SH3KBP1: variants seen among roughly 807,000 people sequenced by gnomAD.
SH3KBP1 encodes the protein SH3 domain containing kinase binding protein 1, also known as SH3 domain-containing kinase-binding protein 1.
SH3KBP1 carries 8 observed loss-of-function variants against 50.1 expected under a neutral mutation model. That is an observed-to-expected ratio of 0.16 (90% CI 0.09 to 0.29). The LOEUF is 0.29. Ranked by LOEUF, SH3KBP1 falls within the 10% of genes least tolerant of loss-of-function variation. SH3KBP1 has a pLI of 1.00. For synonymous variants in SH3KBP1, 227 were observed against 218.6 expected (o/e 1.04, Z -0.34); for missense variants, 377 against 535.2 (o/e 0.70, Z 2.92).
intron 2 of SH3KBP1, among the ~76,000 whole-genome samples, chrX:19,819,380 C>A (rs924741584): frequency 1.8e-5 from 2 of 111,436 alleles, no homozygotes; most frequent in African/African-American, 6.5e-5. Flanking sequence ...GTCACCCAGG[C>A]TGGAGTGCAG....
intron 6 of SH3KBP1, among the ~76,000 whole-genome samples, chrX:19,658,491 G>A (rs2062353228): frequency 9.0e-6 from 1 of 111,490 alleles, no homozygotes; most frequent in African/African-American, 3.3e-5. Flanking sequence ...CCATTTTCTG[G>A]GCTCCTCTAT....
At chrX:19,552,701 AC>A (rs1176053157) in intron 13 of SH3KBP1, among the ~76,000 whole-genome samples, 1 of 110,416 alleles carries the variant, frequency 9.1e-6, no homozygotes, top group Non-Finnish European at 1.9e-5. Flanking sequence ...CGGAGGAATC[AC>A]CTGGACAATT....
In SH3KBP1 at chrX:19,799,813, C is replaced by A; in HGVS notation, c.162+36312G>T. On this transcript the variant is annotated intron_variant, in intron 2 of 17. Coordinates refer to ENST00000397821, the MANE Select transcript of SH3KBP1 (RefSeq NM_031892.3). ...CAAAATTATTCTAAGCATCCTGTCC[C>A]GTACCCAACCCGCCTGCCCCTCCCA... 6 of 1,101,881 alleles carry A rather than the reference C, an allele frequency of 5.4e-6. No individual in the cohort carries two copies. The Admixed American group carries it at 1.7e-4, about 32-fold the overall frequency. The allele number at this position is 1,101,881 out of a possible 1,213,427, so 90.8% of individuals were successfully genotyped here. A position where few individuals can be genotyped will look rare whatever the true frequency, so the allele number is the denominator to read the frequency against.
At chrX:19,878,600 C>G (rs1031602936) in intron 1 of SH3KBP1, among the ~76,000 whole-genome samples, 20 of 109,679 alleles carry the variant, frequency 1.8e-4, no homozygotes, top group African/African-American at 6.4e-4. Context: ...CACGCTTTCC[C>G]TTTTCCTATC....
At chrX:19,836,875 G>A (rs1475587214) in intron 1 of SH3KBP1, among the ~76,000 whole-genome samples, 2 of 111,531 alleles carry the variant, frequency 1.8e-5, no homozygotes, top group Non-Finnish European at 3.8e-5. Flanking sequence ...TAGTGAGTGA[G>A]TTCTCATGAG....
intron 2 of SH3KBP1, among the ~76,000 whole-genome samples, chrX:19,831,182 C>T (rs1043898169): frequency 6.3e-5 from 7 of 111,755 alleles, no homozygotes; most frequent in East Asian, 2.8e-4. Context: ...TCTGGGAGGC[C>T]GAGGCGGGAG....
intron 3 of SH3KBP1, among the ~76,000 whole-genome samples, chrX:19,743,376 TC>T (rs1296024187): frequency 1.8e-5 from 2 of 109,059 alleles, no homozygotes; most frequent in Non-Finnish European, 3.8e-5. Flanking sequence ...GCCACTGCAC[TC>T]CAGCCTGGAT....
intron 7 of SH3KBP1, among the ~76,000 whole-genome samples, chrX:19,633,321 T>C (rs1602737588): frequency 1.8e-5 from 2 of 112,027 alleles, no homozygotes; most frequent in East Asian, 5.6e-4. Flanking sequence ...TTGGGTATTC[T>C]GGGCCTCTGA....
intron 4 of SH3KBP1, among the ~76,000 whole-genome samples, chrX:19,697,797 G>T (rs767159161): frequency 2.4e-4 from 27 of 111,900 alleles, no homozygotes; most frequent in Non-Finnish European, 4.7e-4. Flanking sequence ...TATGAGAAAG[G>T]GGGTTGCTGA....
intron 5 of SH3KBP1, among the ~76,000 whole-genome samples, chrX:19,692,582 C>T (rs1420641056): frequency 9.4e-6 from 1 of 106,611 alleles, no homozygotes; most frequent in Non-Finnish European, 1.9e-5. Context: ...TATACACACA[C>T]ATATATATAC....
chrX:19,598,029 T>C (rs2066959871), intron 9 of SH3KBP1, among the ~76,000 whole-genome samples: 1 of 112,326 alleles, frequency 8.9e-6, no homozygotes, highest in Admixed American at 9.4e-5. Flanking sequence ...ATAGAGATGG[T>C]GTCTTTCCTT....
chrX:19,571,619 G>C (rs1420665189), intron 12 of SH3KBP1, among the ~76,000 whole-genome samples: 1 of 111,759 alleles, frequency 8.9e-6, no homozygotes, highest in Non-Finnish European at 1.9e-5. Context: ...ACATTCCTGG[G>C]GACCCTTAAA....
Position 19,631,847 on chromosome X carries a change from A to C in SH3KBP1, c.897+17T>G. 9.2e-7 allele frequency: 1 copy of C among 1,090,652 alleles called. No homozygotes were observed. Among genetic ancestry groups the C allele is most frequent in the African/African-American group, 1.8e-5 (1 of 55,550 alleles). 89.9% of individuals were successfully genotyped at this position (1,090,652 alleles called of 1,213,427 possible). On this transcript the variant is annotated intron_variant, in intron 8 of 17. Coordinates refer to ENST00000397821, the MANE Select transcript of SH3KBP1 (RefSeq NM_031892.3). ...AGCAGTTCGCGATTTAGAAGGTAGG[A>C]GACAACCTTTGTTTACCTTATTGAT...
At chrX:19,553,734 A>G (rs1197479189) in intron 13 of SH3KBP1, among the ~76,000 whole-genome samples, 1 of 102,558 alleles carries the variant, frequency 9.8e-6, no homozygotes, top group Non-Finnish European at 2.0e-5. Flanking sequence ...ACGCTTAGCA[A>G]GAGTCTCCAG....
chrX:19,718,003 T>C (rs750455783), intron 3 of SH3KBP1, among the ~76,000 whole-genome samples: 1 of 111,372 alleles, frequency 9.0e-6, no homozygotes, highest in South Asian at 3.8e-4. Context: ...CCTGGATGTC[T>C]ACTGGGAGGG....
chrX:19,680,975 C>G (rs1405868984), intron 6 of SH3KBP1, among the ~76,000 whole-genome samples: 1 of 111,959 alleles, frequency 8.9e-6, no homozygotes, highest in African/African-American at 3.2e-5. Context: ...CGTACACACA[C>G]ACAAATGTCA....
intron 8 of SH3KBP1, among the ~76,000 whole-genome samples, chrX:19,621,241 ATTTTTTTTT>A (rs35328957): frequency 4.6e-5 from 3 of 64,584 alleles, no homozygotes; most frequent in African/African-American, 1.2e-4. Flanking sequence ...CACCTGGCTA[ATTTTTTTTT>A]TTTTTTTTTT....
At chrX:19,850,813 C>T (rs2068487456) in intron 1 of SH3KBP1, among the ~76,000 whole-genome samples, 1 of 110,378 alleles carries the variant, frequency 9.1e-6, no homozygotes, top group Admixed American at 9.7e-5. Context: ...TCTGTACCCG[C>T]CTGGTACTCC....
At chrX:19,561,004 G>A (rs891630920) in intron 13 of SH3KBP1, among the ~76,000 whole-genome samples, 8 of 104,622 alleles carry the variant, frequency 7.6e-5, no homozygotes, top group African/African-American at 2.8e-4. Flanking sequence ...AGCCTGGGAG[G>A]TTGAGCATGC....
Sources: gnomAD v4.1 joint callset for allele counts (sites outside exome capture counted in the v4.1 genomes callset) on GRCh38, gnomAD v4.1.1 for gene constraint, MANE v1.5 for transcripts, NCBI Gene and HGNC (gene_info 2026-07-23, HGNC 2026-07-21) for gene names.